FBRSL1: variants seen among roughly 807,000 people sequenced by gnomAD.
The protein encoded by FBRSL1 is fibrosin-1-like protein.
Under a neutral mutation model 89.6 loss-of-function variants are expected in FBRSL1, and 51 were observed. The observed-to-expected ratio is 0.57, with a 90% CI of 0.45 to 0.72. The LOEUF (loss-of-function observed/expected upper bound fraction) is 0.72, where lower values mean the gene tolerates loss of function less well. Among genes scored for constraint, FBRSL1 ranks in the 30% least tolerant of loss-of-function variants. FBRSL1 has a pLI of 0.00. For synonymous variants in FBRSL1, 779 were observed against 681.1 expected, an observed-to-expected ratio of 1.14 and a Z score of -2.24; for missense variants, 1,618 against 1,451.8, an observed-to-expected ratio of 1.11 and a Z score of -1.86.
chr12:132,506,841 C>T (rs576632866), intron 1 of FBRSL1, among the ~76,000 whole-genome samples: 5 of 152,290 alleles, frequency 3.3e-5, no homozygotes, highest in African/African-American at 4.8e-5. Flanking sequence ...GAGCATATGG[C>T]GGGAGCTGGG....
intron 2 of FBRSL1, among the ~76,000 whole-genome samples, chr12:132,508,937 G>T (rs558948064): frequency 1.3e-5 from 2 of 152,310 alleles, no homozygotes; most frequent in Admixed American, 6.5e-5. Flanking sequence ...CAGCGCGTGG[G>T]GCTCTGTCCT....
chr12:132,576,816 C>T lies in FBRSL1; in HGVS notation c.1719C>T (p.Pro573=), dbSNP rs534833052. 6.4e-7 allele frequency: 1 copy of T among 1,550,942 alleles called. No individual in the cohort carries two copies. Among genetic ancestry groups the T allele is most frequent in the East Asian group, 2.4e-5 (1 of 40,882 alleles). The stretch of plus-strand genomic sequence containing the variant: ...CCTCCCAGGAGATGCAGCTGGACCC[C>T]CACAAGCTGGAGGTGGGTGCAAAGC... ...QQKIKEMQLD[P]HKLEVGAKLD... is the part of the protein sequence containing the mutation. Residue 573 remains proline, a synonymous_variant, in exon 15 of 19, where the codon CCC becomes CCT. Coordinates refer to ENST00000680143, the MANE Select transcript of FBRSL1 (RefSeq NM_001367871.1).
rs2040811401 is a variant in FBRSL1 at position 132,582,258 on chromosome 12, G to C, written c.2193G>C (p.Glu731Asp). Residue 731 changes from glutamate (E) to aspartate (D), a missense_variant, in exon 18 of 19, where the codon GAG becomes GAC. Physicochemically the swap from Glu to Asp is conservative, Grantham distance 45. Coordinates refer to ENST00000680143, the MANE Select transcript of FBRSL1 (RefSeq NM_001367871.1). ...HDREPDNGKE[E>D]QERDLLEKTR... ...GAGAGCCGGACAATGGCAAGGAGGA[G>C]CAGGAACGGTGAGTGGCCCTCTTGT... 3.9e-6 allele frequency: 6 copies of C among 1,549,952 alleles called. No homozygotes were observed. Among genetic ancestry groups the C allele is most frequent in the East Asian group, 2.4e-5 (1 of 40,890 alleles).
In FBRSL1 at chr12:132,499,834, A is replaced by G. The variant is rs114881028; in HGVS notation, c.292-8319A>G. 0.011 allele frequency among the ~76,000 whole-genome samples: 1,722 copies of G among 152,224 alleles called. 29 individuals are homozygous for G. The highest frequency in any genetic ancestry group is 0.038 in the African/African-American group (1,597 of 41,524). ...CCTGTGGAGGACGGCAGGCGTCCTC[A>G]GGAGTGTGAGGGACAGAACGGCCTC... On this transcript the variant is annotated intron_variant, in intron 1 of 18. Transcript: ENST00000680143. This position sits in a 1 kb window ranked among gnomAD's most constrained non-coding sequence, Gnocchi z 4.3.
intron 4 of FBRSL1, among the ~76,000 whole-genome samples, chr12:132,532,628 C>T (rs1319791341): frequency 2.0e-5 from 3 of 147,668 alleles, no homozygotes; most frequent in Admixed American, 6.8e-5. Context: ...TGTCCATGGC[C>T]GGGCATGCAC....
In FBRSL1 at chr12:132,566,294, T is replaced by C. The variant is rs2039608278; in HGVS notation, c.646-1187T>C. The C allele has an allele frequency of 2.0e-5, 3 of 151,834 alleles. No individual in the cohort carries two copies. In the South Asian group the frequency reaches 6.2e-4, roughly 32 times the overall value. 9.4% of individuals were successfully genotyped at this position (151,834 alleles called of 1,614,324 possible). A position where few individuals can be genotyped will look rare whatever the true frequency, so the allele number is the denominator to read the frequency against. ...GTGAGGCTCCACACTCAAGACCTCA[T>C]GACCTCATCACCTTCCACCTCCTGA... On this transcript the variant is annotated intron_variant, in intron 5 of 18. Coordinates refer to ENST00000680143, the MANE Select transcript of FBRSL1 (RefSeq NM_001367871.1).
chr12:132,510,032 G>C, intron 2 of FBRSL1: 2 of 1,231,586 alleles, frequency 1.6e-6, no homozygotes, highest in Non-Finnish European at 2.0e-6. Context: ...AAGCCCCAGA[G>C]CAGCCCGGCC....
intron 4 of FBRSL1, among the ~76,000 whole-genome samples, chr12:132,547,154 A>G (rs2037758862): frequency 6.6e-6 from 1 of 152,088 alleles, no homozygotes; most frequent in Non-Finnish European, 1.5e-5. Context: ...GAAAACGGAG[A>G]ACGGACAGTC....
Position 132,574,463 on chromosome 12 carries a change from G to C in FBRSL1, c.1630-30G>C, listed in dbSNP as rs765302045. 3 of 1,549,010 alleles carry C rather than the reference G, an allele frequency of 1.9e-6. No individual in the cohort carries two copies. The African/African-American group carries it at 4.1e-5, about 21-fold the overall frequency. ...GAAAACATGGGTGGGGGTGGCACCA[G>C]CCCCACTGAGCGCTTCCATCCTGTC... On this transcript the variant is annotated intron_variant, in intron 13 of 18. Coordinates refer to ENST00000680143, the MANE Select transcript of FBRSL1 (RefSeq NM_001367871.1).
intron 14 of FBRSL1, among the ~76,000 whole-genome samples, chr12:132,576,345 A>T (rs1056390805): frequency 1.4e-4 from 22 of 151,912 alleles, no homozygotes; most frequent in African/African-American, 5.1e-4. Context: ...GGCGCCCGCC[A>T]CTGCGCCCAG....
intron 1 of FBRSL1, among the ~76,000 whole-genome samples, chr12:132,503,281 G>A (rs1040383997): frequency 6.6e-6 from 1 of 152,210 alleles, no homozygotes; most frequent in African/African-American, 2.4e-5. Flanking sequence ...GTTGCTAGGC[G>A]AGAGCCGCAA....
chr12:132,550,221 C>T (rs1402009980), intron 5 of FBRSL1, among the ~76,000 whole-genome samples: 2 of 152,004 alleles, frequency 1.3e-5, no homozygotes, highest in Admixed American at 6.6e-5. Flanking sequence ...AGAGGGGCTG[C>T]GGAGGACGGC....
At chr12:132,558,611 C>A (rs1349170432) in intron 5 of FBRSL1, among the ~76,000 whole-genome samples, 2 of 152,246 alleles carry the variant, frequency 1.3e-5, no homozygotes, top group African/African-American at 4.8e-5. Flanking sequence ...TGGCTGAGGC[C>A]GACCTTGGTG....
chr12:132,563,818 G>A lies in FBRSL1; in HGVS notation c.646-3663G>A, dbSNP rs1291525782. The stretch of plus-strand genomic sequence containing the variant: ...TCACCCCCGTCGCCCCTGAACCCCC[G>A]AGCTTGTGTGCACCCCCTGCACCCC... On this transcript the variant is annotated intron_variant, in intron 5 of 18. Transcript: ENST00000680143. 7.0e-5 allele frequency among the ~76,000 whole-genome samples: 3 copies of A among 42,652 alleles called. 1 individual carries two copies. Among genetic ancestry groups the A allele is most frequent in the East Asian group, 1.9e-3 (2 of 1,080 alleles). The allele number at this position is 42,652 out of a possible 152,430, so 28.0% of individuals were successfully genotyped here. A position where few individuals can be genotyped will look rare whatever the true frequency, so the allele number is the denominator to read the frequency against.
At chr12:132,575,695 G>T (rs576486902) in intron 14 of FBRSL1, among the ~76,000 whole-genome samples, 1 of 152,262 alleles carries the variant, frequency 6.6e-6, no homozygotes, top group Non-Finnish European at 1.5e-5. Flanking sequence ...GAGGAGGGCA[G>T]ATCCTGCAAG....
chr12:132,526,762 C>T (rs543110286), intron 3 of FBRSL1, among the ~76,000 whole-genome samples: 62 of 152,268 alleles, frequency 4.1e-4, no homozygotes, highest in Admixed American at 1.0e-3. Flanking sequence ...ATCTGCCCCC[C>T]ACTCCTCAGG....
intron 5 of FBRSL1, among the ~76,000 whole-genome samples, chr12:132,559,724 C>G (rs941762109): frequency 6.6e-6 from 1 of 152,202 alleles, no homozygotes; most frequent in South Asian, 2.1e-4. Flanking sequence ...TCAGTTTCCC[C>G]TTCTGGGAGC....
At chr12:132,577,113 A>C in intron 15 of FBRSL1, among the ~76,000 whole-genome samples, 182 bp downstream of exon 15, 8 of 136,710 alleles carry the variant, frequency 5.9e-5, no homozygotes, top group East Asian at 2.1e-4. Context: ...CCCACCCCTC[A>C]CCTCTCTTCT....
intron 6 of FBRSL1, among the ~76,000 whole-genome samples, chr12:132,568,954 G>A (rs1036131562): frequency 3.3e-5 from 5 of 152,122 alleles, no homozygotes; most frequent in East Asian, 1.9e-4. Flanking sequence ...AGGGACGGCC[G>A]CAGCTGTCCC....
Sources: gnomAD v4.1 joint callset for allele counts (sites outside exome capture counted in the v4.1 genomes callset) on GRCh38, gnomAD v4.1.1 for gene constraint, Gnocchi (gnomAD v3.1) non-coding constraint, MANE v1.5 for transcripts, NCBI Gene and HGNC (gene_info 2026-07-23, HGNC 2026-07-21) for gene names.